The following WDR27 variants were observed in gnomAD, a reference collection of about 807,000 sequenced individuals.
WDR27 encodes WD repeat domain 27, also known as WD repeat-containing protein 27.
WDR27 carries 100 observed loss-of-function variants against 114.4 expected under a neutral mutation model. The observed-to-expected ratio is 0.87, with a 90% CI of 0.74 to 1.03. The LOEUF is 1.03. Ranked by LOEUF, WDR27 falls within the 50% of genes least tolerant of loss-of-function variation. The pLI, the probability that WDR27 is intolerant of heterozygous loss-of-function variation, is 0.00. For missense variants in WDR27, 1,129 were observed against 1,092.9 expected, an observed-to-expected ratio of 1.03 and a Z score of -0.47; for synonymous variants, 449 against 423.1, an observed-to-expected ratio of 1.06 and a Z score of -0.75.
chr6:169,560,846 G>A (rs185886014), intron 25 of WDR27, among the ~76,000 whole-genome samples: 4 of 152,216 alleles, frequency 2.6e-5, no homozygotes, highest in East Asian at 1.9e-4. Flanking sequence ...CTGTGGAGGC[G>A]AGACCTACTT....
chr6:169,678,501 TA>T (rs1780651268), intron 2 of WDR27, among the ~76,000 whole-genome samples: 1 of 152,236 alleles, frequency 6.6e-6, no homozygotes, highest in Non-Finnish European at 1.5e-5. Flanking sequence ...TACAGGCTCA[TA>T]GGTGGAAGGA....
intron 19 of WDR27, among the ~76,000 whole-genome samples, chr6:169,635,857 A>G (rs1415259826): frequency 6.6e-6 from 1 of 152,242 alleles, no homozygotes; most frequent in Non-Finnish European, 1.5e-5. Context: ...AGAAGCAAAT[A>G]TATCAATCTC....
intron 25 of WDR27, among the ~76,000 whole-genome samples, chr6:169,508,664 G>A (rs1457234076): frequency 1.3e-5 from 2 of 152,178 alleles, no homozygotes; most frequent in Non-Finnish European, 2.9e-5. Flanking sequence ...GCTAAGATGT[G>A]TTACAACTGC....
At chr6:169,481,456 C>T (rs373412373) in intron 25 of WDR27, among the ~76,000 whole-genome samples, 3 of 152,348 alleles carry the variant, frequency 2.0e-5, no homozygotes, top group East Asian at 3.9e-4. Context: ...CTCGGGTTCC[C>T]TTCCACGCTG....
chr6:169,621,613 T>C (rs1562721333), intron 21 of WDR27, among the ~76,000 whole-genome samples: 3 of 150,466 alleles, frequency 2.0e-5, no homozygotes, highest in African/African-American at 2.5e-5. Context: ...CACACATGCA[T>C]TCACGCATAT....
intron 25 of WDR27, among the ~76,000 whole-genome samples, chr6:169,497,739 G>T (rs759936339): frequency 2.0e-4 from 30 of 152,046 alleles, no homozygotes; most frequent in Non-Finnish European, 3.8e-4. Flanking sequence ...ACTATCAAAA[G>T]AATAAAAATA....
At chr6:169,464,875 C>T (rs1054079467) in intron 25 of WDR27, among the ~76,000 whole-genome samples, 13 of 152,216 alleles carry the variant, frequency 8.5e-5, no homozygotes, top group Admixed American at 4.6e-4. Context: ...AATCCCAGCA[C>T]ACTTTGGGAG....
intron 23 of WDR27, among the ~76,000 whole-genome samples, chr6:169,589,334 C>T (rs1284947579): frequency 6.6e-6 from 1 of 152,176 alleles, no homozygotes; most frequent in Non-Finnish European, 1.5e-5. Context: ...GTGTAACCCT[C>T]TCAACAGCAC....
intron 25 of WDR27, among the ~76,000 whole-genome samples, chr6:169,502,242 G>A (rs1327888253): frequency 2.6e-5 from 4 of 152,154 alleles, no homozygotes; most frequent in Admixed American, 6.5e-5. Flanking sequence ...TGAAGAGCGC[G>A]GCCGCGGGAG....
At chr6:169,480,615 G>T (rs1353903228) in intron 25 of WDR27, among the ~76,000 whole-genome samples, 1 of 151,926 alleles carries the variant, frequency 6.6e-6, no homozygotes, top group African/African-American at 2.4e-5. Flanking sequence ...TCAGCACTCT[G>T]TGTCTAGCTG....
chr6:169,586,048 T>G (rs1361083573), intron 23 of WDR27, among the ~76,000 whole-genome samples: 1 of 152,210 alleles, frequency 6.6e-6, no homozygotes, highest in Admixed American at 6.5e-5. Context: ...AGAACCCTTC[T>G]TCCAGATTGT....
At chr6:169,460,191 T>C (rs1245338859) in intron 25 of WDR27, among the ~76,000 whole-genome samples, 2 of 152,196 alleles carry the variant, frequency 1.3e-5, no homozygotes, top group Non-Finnish European at 2.9e-5. Context: ...TAACCCCACA[T>C]TTTATTTTCT....
At chr6:169,453,466 C>T (rs531035424), downstream of WDR27, among the ~76,000 whole-genome samples, 19 of 152,326 alleles carry the variant, frequency 1.2e-4, no homozygotes, top group African/African-American at 3.8e-4. Flanking sequence ...CTGCCGCTCA[C>T]ATGCTGGGAC....
rs375170306 is a variant in WDR27 at position 169,473,073 on chromosome 6, T to C, written c.2646-15439A>G. Among the ~76,000 whole-genome samples the C allele has an allele frequency of 2.1e-4, 32 of 152,352 alleles. 1 individual carries two copies. In the East Asian group the frequency reaches 4.6e-3, roughly 22 times the overall value. ...ATACTTTTCAGATAGCTGTTGGCAC[T>C]TCTATTTCCAAACTCTTGAACCATT... On this transcript the variant is annotated intron_variant, in intron 25 of 25. Transcript: ENST00000448612.
the WDR27 span, among the ~76,000 whole-genome samples, chr6:169,445,383 G>A: frequency 6.6e-6 from 1 of 152,084 alleles, no homozygotes; most frequent in South Asian, 2.1e-4. Context: ...CCTGGACCGC[G>A]AAGGTGTAGG....
intron 24 of WDR27, among the ~76,000 whole-genome samples, chr6:169,579,062 G>C (rs1175762102): frequency 2.6e-5 from 4 of 152,186 alleles, no homozygotes; most frequent in Non-Finnish European, 5.9e-5. Context: ...GACCGTCGCA[G>C]GCTTGGTGTC....
chr6:169,524,932 G>A lies in WDR27; in HGVS notation c.2645+47487C>T, dbSNP rs1794780794. 2.0e-5 allele frequency among the ~76,000 whole-genome samples: 3 copies of A among 151,998 alleles called. No homozygotes were observed. In the South Asian group the frequency reaches 6.2e-4, roughly 32 times the overall value. On this transcript the variant is annotated intron_variant, in intron 25 of 25. Coordinates refer to ENST00000448612, the MANE Select transcript of WDR27 (RefSeq NM_182552.5). ...GCAACCAAAGCAAAAATAGACAAAT[G>A]GAAAGACATCAAGGTAGAAAGCTTT...
At chr6:169,682,155 G>A (rs983962001) in intron 2 of WDR27, among the ~76,000 whole-genome samples, 29 of 151,910 alleles carry the variant, frequency 1.9e-4, no homozygotes, top group East Asian at 1.9e-4. Flanking sequence ...TCTTATTGGC[G>A]CAGGGTCTCC....
intron 25 of WDR27, among the ~76,000 whole-genome samples, chr6:169,512,649 G>C (rs1793052371): frequency 6.6e-6 from 1 of 152,150 alleles, no homozygotes. Context: ...TTATTTAAAG[G>C]CTGTTTAAAT....
Sources: allele counts gnomAD v4.1 joint callset (sites outside exome capture counted in the v4.1 genomes callset), GRCh38; gene constraint gnomAD v4.1.1; transcripts MANE v1.5; gene names NCBI Gene and HGNC (gene_info 2026-07-23, HGNC 2026-07-21).